LYPD6: variants seen among roughly 807,000 people sequenced by gnomAD.
The protein encoded by LYPD6 is LY6/PLAUR domain containing 6.
A neutral mutation model predicts 22.7 loss-of-function variants in LYPD6; 15 were observed. That is an observed-to-expected ratio of 0.66 (90% confidence interval 0.44 to 1.02). LYPD6 has a LOEUF of 1.02. Among genes scored for constraint, LYPD6 ranks in the 50% least tolerant of loss-of-function variants. The pLI is 0.00. For missense variants in LYPD6, 189 were observed against 208.4 expected, an observed-to-expected ratio of 0.91 and a Z score of 0.57; for synonymous variants, 72 against 77.5, an observed-to-expected ratio of 0.93 and a Z score of 0.37.
chr2:149,449,188 C>G (rs774340342), intron 3 of LYPD6, 41 bp downstream of exon 3: 66 of 1,389,724 alleles, frequency 4.7e-5, no homozygotes, highest in Non-Finnish European at 6.6e-5. Context: ...CTGGGCTGTC[C>G]GTGAGTGAAC....
chr2:149,450,143 C>G (rs542439312), intron 3 of LYPD6, among the ~76,000 whole-genome samples: 1 of 152,290 alleles, frequency 6.6e-6, no homozygotes, highest in Non-Finnish European at 1.5e-5. Context: ...TGGAATTTTT[C>G]AAAGAAATCA....
intron 1 of LYPD6, among the ~76,000 whole-genome samples, chr2:149,385,868 T>G (rs894134223): frequency 6.6e-6 from 1 of 152,124 alleles, no homozygotes; most frequent in Non-Finnish European, 1.5e-5. Context: ...AGAAATTACC[T>G]GCTTTAGAGA....
intron 3 of LYPD6, among the ~76,000 whole-genome samples, chr2:149,460,343 CATT>C (rs34855353): frequency 0.59 from 89,286 of 151,518 alleles, 27,816 homozygotes; most frequent in East Asian, 0.85. Flanking sequence ...AGTAGGGAAA[CATT>C]AATCAAAAGA....
intron 1 of LYPD6, among the ~76,000 whole-genome samples, chr2:149,424,188 A>G (rs866915848): frequency 6.6e-6 from 1 of 152,182 alleles, no homozygotes; most frequent in African/African-American, 2.4e-5. Flanking sequence ...GATTACTTCT[A>G]TATCAAATCA....
At chr2:149,479,717 G>T in the LYPD6 span, among the ~76,000 whole-genome samples, 1,796 of 151,908 alleles carry the variant, frequency 0.012, 58 homozygotes, top group Admixed American at 0.075. Flanking sequence ...CACCCCTCTG[G>T]TCCCAGCTAT....
intron 4 of LYPD6, among the ~76,000 whole-genome samples, chr2:149,470,306 G>C (rs182122154): frequency 8.2e-4 from 125 of 152,272 alleles, no homozygotes; most frequent in Admixed American, 4.4e-3. Flanking sequence ...GGCAAACGAA[G>C]GCTTACCCTC....
At chr2:149,434,306 G>A (rs1056311415) in intron 1 of LYPD6, among the ~76,000 whole-genome samples, 1 of 152,046 alleles carries the variant, frequency 6.6e-6, no homozygotes, top group Admixed American at 6.5e-5. Context: ...TTTGTAAGTC[G>A]TTACTTTTTT....
chr2:149,419,764 C>G (rs779389660), intron 1 of LYPD6, among the ~76,000 whole-genome samples: 1 of 152,128 alleles, frequency 6.6e-6, no homozygotes, highest in Non-Finnish European at 1.5e-5. Context: ...AATGCTGATC[C>G]TTCAAAGACT....
chr2:149,414,316 T>C (rs1682916135), intron 1 of LYPD6, among the ~76,000 whole-genome samples: 1 of 152,226 alleles, frequency 6.6e-6, no homozygotes, highest in Admixed American at 6.5e-5. Context: ...ACTGTTAATA[T>C]TTCTTAAATT....
chr2:149,349,426 A>C (rs1436684244), intron 1 of LYPD6, among the ~76,000 whole-genome samples: 1 of 152,130 alleles, frequency 6.6e-6, no homozygotes, highest in Non-Finnish European at 1.5e-5. Flanking sequence ...AGTGGTTAGG[A>C]TTTGGAGGGT....
In LYPD6 at chr2:149,448,903, T is replaced by C. The variant is rs191158418; in HGVS notation, c.119-146T>C. Reference sequence around the variant, plus strand: ...CAGGGACAGATGCCCAAGAGTAAAGTTGCTGGGTCATATGGTAGTTGAAGG... The same window carrying C: ...CAGGGACAGATGCCCAAGAGTAAAGCTGCTGGGTCATATGGTAGTTGAAGG... On this transcript the variant is annotated intron_variant, in intron 2 of 4. Transcript: ENST00000334166. 3.3e-4 allele frequency: 193 copies of C among 591,812 alleles called. No individual in the cohort carries two copies. The African/African-American group carries it at 3.3e-3, about 10-fold the overall frequency. 36.7% of individuals were successfully genotyped at this position (591,812 alleles called of 1,614,324 possible).
At chr2:149,484,498 TA>T in the LYPD6 span, among the ~76,000 whole-genome samples, 4 of 152,270 alleles carry the variant, frequency 2.6e-5, no homozygotes, top group East Asian at 5.8e-4. Context: ...GGAAAGACCA[TA>T]AATGGCAGAG....
the LYPD6 span, among the ~76,000 whole-genome samples, chr2:149,479,315 A>G: frequency 4.5e-3 from 681 of 152,168 alleles, 8 homozygotes; most frequent in African/African-American, 0.016. Context: ...CCATTCTATA[A>G]TCTTTCCTAG....
intron 1 of LYPD6, among the ~76,000 whole-genome samples, chr2:149,386,766 A>G (rs2105093605): frequency 6.6e-6 from 1 of 152,382 alleles, no homozygotes; most frequent in South Asian, 2.1e-4. Context: ...ACCAAAATGA[A>G]TGTACAGTTT....
intron 1 of LYPD6, among the ~76,000 whole-genome samples, chr2:149,336,305 ATAACT>A (rs1681033318): frequency 6.6e-6 from 1 of 152,232 alleles, no homozygotes. Context: ...AACTATAGAA[ATAACT>A]TAAAAGATCA....
chr2:149,342,296 G>T (rs550380620), intron 1 of LYPD6, among the ~76,000 whole-genome samples: 1 of 152,030 alleles, frequency 6.6e-6, no homozygotes, highest in South Asian at 2.1e-4. Context: ...GATTTGGATG[G>T]GATACAACAC....
At chr2:149,374,612 A>G (rs188394041) in intron 1 of LYPD6, among the ~76,000 whole-genome samples, 116 of 152,276 alleles carry the variant, frequency 7.6e-4, no homozygotes, top group Middle Eastern at 3.4e-3. Flanking sequence ...TCTTAAGAGA[A>G]ATGATCTATA....
intron 1 of LYPD6, among the ~76,000 whole-genome samples, chr2:149,347,654 A>G (rs1235424632): frequency 6.6e-6 from 1 of 152,016 alleles, no homozygotes. Flanking sequence ...TTGAGTGGGT[A>G]TTTGTGTCAT....
At chr2:149,457,163 C>A (rs993275437) in intron 3 of LYPD6, among the ~76,000 whole-genome samples, 1 of 152,100 alleles carries the variant, frequency 6.6e-6, no homozygotes, top group Non-Finnish European at 1.5e-5. Flanking sequence ...GTAGTCCTGG[C>A]AAATAATTTT....
Sources: gnomAD v4.1 joint callset for allele counts (sites outside exome capture counted in the v4.1 genomes callset) on GRCh38, gnomAD v4.1.1 for gene constraint, MANE v1.5 for transcripts, NCBI Gene and HGNC (gene_info 2026-07-23, HGNC 2026-07-21) for gene names.